FHIT: variants seen among roughly 807,000 people sequenced by gnomAD.
FHIT encodes fragile histidine triad diadenosine triphosphatase.
Under a neutral mutation model 17.9 loss-of-function variants are expected in FHIT, and 19 were observed. The ratio of observed to expected loss-of-function variants is 1.06; its 90% CI spans 0.74 to 1.56. FHIT has a LOEUF of 1.56. Ranked by LOEUF, FHIT falls within the 40% of genes most tolerant of loss-of-function variation. FHIT has a pLI of 0.00. For synonymous variants in FHIT, 81 were observed against 69.7 expected, an observed-to-expected ratio of 1.16 and a Z score of -0.81; for missense variants, 248 against 189.2, an observed-to-expected ratio of 1.31 and a Z score of -1.82.
At chr3:60,410,398 T>G (rs2107222839) in intron 5 of FHIT, among the ~76,000 whole-genome samples, 1 of 151,984 alleles carries the variant, frequency 6.6e-6, no homozygotes, top group South Asian at 2.1e-4. Context: ...TTTTTATTTA[T>G]AAGACTGACA....
At chr3:60,600,919 A>G (rs527347828) in intron 4 of FHIT, among the ~76,000 whole-genome samples, 5 of 152,128 alleles carry the variant, frequency 3.3e-5, no homozygotes, top group Non-Finnish European at 7.4e-5. Flanking sequence ...CCCTGCACCA[A>G]GCATGCTTTT....
chr3:60,332,184 T>G (rs981161368), intron 5 of FHIT, among the ~76,000 whole-genome samples: 10 of 152,228 alleles, frequency 6.6e-5, no homozygotes, highest in African/African-American at 2.4e-4. Flanking sequence ...ATTAACCTCA[T>G]TTGAGATATC....
At position 60,223,213 on chromosome 3, in the gene FHIT, T is replaced by C. The variant is rs76001331; in HGVS notation, c.104-209061A>G. On this transcript the variant is annotated intron_variant, in intron 5 of 9. Coordinates refer to ENST00000492590, the MANE Select transcript of FHIT (RefSeq NM_002012.4). ...AACTTTTACTAGGCACTCAGTGGTGTCATGCTCTGTGCTTTATTTATTACA... is the reference window on the plus strand; with the variant it reads ...AACTTTTACTAGGCACTCAGTGGTGCCATGCTCTGTGCTTTATTTATTACA... 2.8e-3 allele frequency among the ~76,000 whole-genome samples: 430 copies of C among 152,276 alleles called. 1 individual carries two copies. The highest frequency in any genetic ancestry group is 9.9e-3 in the African/African-American group (411 of 41,552).
chr3:61,204,617 G>C (rs761686961), intron 1 of FHIT, among the ~76,000 whole-genome samples: 2 of 140,696 alleles, frequency 1.4e-5, no homozygotes, highest in Non-Finnish European at 3.1e-5. Context: ...AAGTACATCT[G>C]TTAAAATTTT....
intron 8 of FHIT, among the ~76,000 whole-genome samples, chr3:59,808,740 C>G (rs1700299319): frequency 6.6e-6 from 1 of 152,148 alleles, no homozygotes; most frequent in Non-Finnish European, 1.5e-5. Flanking sequence ...TTTAACTACA[C>G]CGATTTGGCC....
chr3:60,472,821 T>C (rs385245), intron 5 of FHIT, among the ~76,000 whole-genome samples: 6,730 of 152,256 alleles, frequency 0.044, 190 homozygotes, highest in Middle Eastern at 0.1. Flanking sequence ...CAAAGACATC[T>C]AAGCAAAACC....
intron 4 of FHIT, among the ~76,000 whole-genome samples, chr3:60,643,558 G>C (rs2039780209): frequency 6.6e-6 from 1 of 152,124 alleles, no homozygotes; most frequent in African/African-American, 2.4e-5. Context: ...TAGATTCACA[G>C]ATGCAAAAGT....
chr3:59,790,757 T>C (rs755304558), intron 8 of FHIT, among the ~76,000 whole-genome samples: 2 of 152,216 alleles, frequency 1.3e-5, no homozygotes, highest in Non-Finnish European at 2.9e-5. Context: ...TCCCCAACAC[T>C]GTAATATCTA....
chr3:61,148,044 AG>A (rs2037277499), intron 2 of FHIT, among the ~76,000 whole-genome samples: 1 of 151,580 alleles, frequency 6.6e-6, no homozygotes, highest in South Asian at 2.1e-4. Context: ...AAGGGAGAAA[AG>A]TTTAAAAAAA....
chr3:61,049,616 A>G (rs1299573947), intron 2 of FHIT, among the ~76,000 whole-genome samples: 1 of 152,172 alleles, frequency 6.6e-6, no homozygotes, highest in East Asian at 1.9e-4. Context: ...AATAGGACAT[A>G]CATAGCACCA....
chr3:60,372,820 T>G (rs1432956523), intron 5 of FHIT, among the ~76,000 whole-genome samples: 1 of 152,168 alleles, frequency 6.6e-6, no homozygotes, highest in Non-Finnish European at 1.5e-5. Context: ...ATATGATCAG[T>G]GTACTTCCTC....
chr3:61,196,020 A>C (rs1183544138), intron 2 of FHIT, among the ~76,000 whole-genome samples: 10 of 152,214 alleles, frequency 6.6e-5, no homozygotes, highest in Non-Finnish European at 1.5e-4. Context: ...TGTAAATATT[A>C]CCTGTTGATT....
At chr3:61,221,131 G>A (rs1437670482) in intron 1 of FHIT, among the ~76,000 whole-genome samples, 1 of 152,222 alleles carries the variant, frequency 6.6e-6, no homozygotes, top group Non-Finnish European at 1.5e-5. Flanking sequence ...GGCTGGGTTG[G>A]TGCCCAGGCA....
chr3:61,177,599 T>TTC (rs1183593777), intron 2 of FHIT, among the ~76,000 whole-genome samples: 1 of 152,154 alleles, frequency 6.6e-6, no homozygotes, highest in Admixed American at 6.5e-5. Flanking sequence ...ACTTAAAACT[T>TTC]TCAGATGAAT....
chr3:61,170,584 CT>C (rs1371152472), intron 2 of FHIT, among the ~76,000 whole-genome samples: 2 of 152,122 alleles, frequency 1.3e-5, no homozygotes, highest in African/African-American at 4.8e-5. Context: ...TCCATGTGTT[CT>C]CATCATTTTG....
At chr3:60,858,283 A>T (rs1703468267) in intron 3 of FHIT, among the ~76,000 whole-genome samples, 1 of 152,300 alleles carries the variant, frequency 6.6e-6, no homozygotes, top group Non-Finnish European at 1.5e-5. Context: ...AAAAAGAAAA[A>T]CACACTTTTA....
At chr3:59,869,416 T>G (rs1467280252) in intron 8 of FHIT, among the ~76,000 whole-genome samples, 1 of 152,052 alleles carries the variant, frequency 6.6e-6, no homozygotes, top group Admixed American at 6.5e-5. Flanking sequence ...TTCACTGAGT[T>G]GTATTTGATA....
intron 5 of FHIT, among the ~76,000 whole-genome samples, chr3:60,131,042 T>TAC (rs1182038039): frequency 5.5e-5 from 5 of 91,394 alleles, no homozygotes; most frequent in Admixed American, 1.1e-4. Context: ...TGTGTATATA[T>TAC]ACACATATAT....
chr3:60,920,582 G>T (rs960792321), intron 3 of FHIT, among the ~76,000 whole-genome samples: 1 of 151,972 alleles, frequency 6.6e-6, no homozygotes. Context: ...AACTAAGTGA[G>T]GTGAAAAGTG....
Sources: allele counts gnomAD v4.1 joint callset (sites outside exome capture counted in the v4.1 genomes callset), GRCh38; gene constraint gnomAD v4.1.1; transcripts MANE v1.5; gene names NCBI Gene and HGNC (gene_info 2026-07-23, HGNC 2026-07-21).